The following DDX1 variants were observed in gnomAD, a reference collection of about 807,000 sequenced individuals.
DDX1 encodes DEAD-box helicase 1, also known as ATP-dependent RNA helicase DDX1.
In DDX1, 28 loss-of-function variants were observed where a neutral mutation model predicts 108.7. The observed-to-expected ratio is 0.26, with a 90% CI of 0.19 to 0.35. DDX1 has a LOEUF of 0.35. Ranked by LOEUF, DDX1 falls within the 10% of genes least tolerant of loss-of-function variation. The probability of loss-of-function intolerance (pLI) is 1.00; values close to 1 mark genes in which losing one functional copy is unlikely to be tolerated. For missense variants in DDX1, 710 were observed against 884.5 expected (o/e 0.80, Z 2.50); for synonymous variants, 295 against 288.9 (o/e 1.02, Z -0.21).
chr2:15,593,580 T>C (rs920154845), intron 1 of DDX1, among the ~76,000 whole-genome samples: 1 of 152,216 alleles, frequency 6.6e-6, no homozygotes, highest in African/African-American at 2.4e-5. Context: ...TGTTGTTTCT[T>C]GTATAACAAT....
intron 4 of DDX1, among the ~76,000 whole-genome samples, 156 bp from the exon 5 acceptor site, chr2:15,597,219 A>G (rs2302930): frequency 0.24 from 36,541 of 152,008 alleles, 5,405 homozygotes; most frequent in African/African-American, 0.42. Flanking sequence ...GTGTTGTCTG[A>G]TGGGTATTTT....
At chr2:15,619,108 C>T (rs1665948409) in intron 16 of DDX1, among the ~76,000 whole-genome samples, 1 of 152,158 alleles carries the variant, frequency 6.6e-6, no homozygotes, top group Admixed American at 6.5e-5. Context: ...TGCCCTGGCT[C>T]CCACCACCAC....
At chr2:15,628,557 G>A (rs757012970) in intron 21 of DDX1, 40 bp downstream of exon 21, 14 of 1,596,240 alleles carry the variant, frequency 8.8e-6, no homozygotes, top group Non-Finnish European at 8.6e-6. Context: ...TGATTGTTAC[G>A]GAATCTAAAG....
chr2:15,603,006 T>G (rs1665610666), intron 7 of DDX1, among the ~76,000 whole-genome samples, 186 bp from the exon 8 acceptor site: 1 of 152,212 alleles, frequency 6.6e-6, no homozygotes. Context: ...CCACTATGCC[T>G]GGCCCATGAG....
chr2:15,595,316 T>G, intron 2 of DDX1, 120 bp downstream of exon 2: 1 of 998,000 alleles, frequency 1.0e-6, no homozygotes, highest in Non-Finnish European at 1.5e-6. Context: ...GTTTTTTTTG[T>G]GATTTTCTAA....
chr2:15,624,776 G>A (rs749538685), intron 19 of DDX1, among the ~76,000 whole-genome samples: 9 of 152,234 alleles, frequency 5.9e-5, no homozygotes, highest in East Asian at 1.9e-4. Flanking sequence ...GTATAATACC[G>A]TTGTACATGC....
chr2:15,594,310 A>T (rs943918009), intron 1 of DDX1, among the ~76,000 whole-genome samples: 3 of 152,160 alleles, frequency 2.0e-5, no homozygotes, highest in African/African-American at 7.2e-5. Flanking sequence ...ATAGGAATAT[A>T]TATTTTTATG....
At chr2:15,592,817 A>G (rs1225516528) in intron 1 of DDX1, among the ~76,000 whole-genome samples, 1 of 150,756 alleles carries the variant, frequency 6.6e-6, no homozygotes, top group Non-Finnish European at 1.5e-5. Flanking sequence ...ACTTTTTAAG[A>G]TGACTTCAGA....
intron 14 of DDX1, among the ~76,000 whole-genome samples, chr2:15,614,914 T>C (rs999897478): frequency 4.6e-5 from 7 of 152,226 alleles, no homozygotes; most frequent in African/African-American, 1.7e-4. Context: ...CAATTCCTAT[T>C]TTCCTAAAGC....
At chr2:15,597,151 A>G (rs1665514901) in intron 4 of DDX1, among the ~76,000 whole-genome samples, 1 of 152,090 alleles carries the variant, frequency 6.6e-6, no homozygotes, top group Admixed American at 6.6e-5. Flanking sequence ...ACCAGTCTCC[A>G]TTGTTCTATC....
chr2:15,617,228 G>A lies in DDX1; in HGVS notation c.1018-16G>A. ...TTCTTTAGTTTTCATTAAGTGGTTG[G>A]TTTGCTTTTTTTCAGGTAGATATAG... is the stretch of plus-strand genomic sequence containing the variant. On this transcript the variant is annotated splice_polypyrimidine_tract_variant and intron_variant, in intron 14 of 25. Coordinates refer to ENST00000233084, the MANE Select transcript of DDX1 (RefSeq NM_004939.3). 7.0e-7 allele frequency: 1 copy of A among 1,431,518 alleles called. No homozygotes were observed. The allele number at this position is 1,431,518 out of a possible 1,614,324, so 88.7% of individuals were successfully genotyped here. A position where few individuals can be genotyped will look rare whatever the true frequency, so the allele number is the denominator to read the frequency against.
At chr2:15,625,801 A>G (rs985652258) in intron 19 of DDX1, among the ~76,000 whole-genome samples, 1 of 152,176 alleles carries the variant, frequency 6.6e-6, no homozygotes, top group Non-Finnish European at 1.5e-5. Flanking sequence ...CGTCAAGGAA[A>G]TAGAAAACTC....
In DDX1 at chr2:15,606,233, G is replaced by C. The variant is rs142143878; in HGVS notation, c.786G>C (p.Pro262=). The C allele has an allele frequency of 9.9e-6, 16 of 1,613,712 alleles. No homozygotes were observed. Among genetic ancestry groups the C allele is most frequent in the Non-Finnish European group, 1.3e-5 (15 of 1,179,778 alleles). The change falls in exon 12 of 26, where the codon CCG becomes CCC. Residue 262 remains proline (P), a synonymous_variant. Coordinates refer to ENST00000233084, the MANE Select transcript of DDX1 (RefSeq NM_004939.3). Reference sequence around the variant, plus strand: ...GCTTTGTTGCTCTTTCCAAGGCACCGGATGGTTACATTGTCAAATCACAGC... The same window carrying C: ...GCTTTGTTGCTCTTTCCAAGGCACCCGATGGTTACATTGTCAAATCACAGC... ...KDGFVALSKA[P]DGYIVKSQHS...
chr2:15,630,992 T>TA lies in DDX1; in HGVS notation c.*87dup. On this transcript the variant is annotated 3_prime_UTR_variant, in exon 26 of 26. Coordinates refer to ENST00000233084, the MANE Select transcript of DDX1 (RefSeq NM_004939.3). ...CAGTTGTACTGCTTCCAAGCAGCAG[T>TA]ATTTATAGTAACGTAAGCTATTAAT... 7.5e-7 allele frequency: 1 copy of TA among 1,328,688 alleles called. No homozygotes were observed. The highest frequency in any genetic ancestry group is 1.0e-6 in the Non-Finnish European group (1 of 955,198). The allele number at this position is 1,328,688 out of a possible 1,614,324, so 82.3% of individuals were successfully genotyped here.
intron 15 of DDX1, 24 bp downstream of exon 15, chr2:15,617,366 T>G: frequency 7.2e-7 from 1 of 1,388,248 alleles, no homozygotes; most frequent in Non-Finnish European, 9.9e-7. Context: ...TAATCATACT[T>G]TTTAAAAAGT....
chr2:15,617,408 AATG>A (rs930890838), intron 15 of DDX1, 66 bp downstream of exon 15: 1 of 891,874 alleles, frequency 1.1e-6, no homozygotes, highest in African/African-American at 1.7e-5. Flanking sequence ...AAATATATAA[AATG>A]AAGAAGAAAT....
At chr2:15,611,035 T>G (rs1177981360) in intron 13 of DDX1, among the ~76,000 whole-genome samples, 3 of 150,192 alleles carry the variant, frequency 2.0e-5, no homozygotes, top group Non-Finnish European at 4.4e-5. Flanking sequence ...CCTGCGGCCT[T>G]CCGCAGTGTT....
chr2:15,626,665 A>C (rs1481250941), intron 19 of DDX1, among the ~76,000 whole-genome samples: 1 of 152,150 alleles, frequency 6.6e-6, no homozygotes, highest in Non-Finnish European at 1.5e-5. Flanking sequence ...TTTAGGAAGC[A>C]CATTAACTTG....
intron 13 of DDX1, 100 bp from the exon 14 acceptor site, chr2:15,613,124 A>G: frequency 3.7e-6 from 3 of 809,704 alleles, no homozygotes; most frequent in South Asian, 2.2e-5. Context: ...TTACTTTCTC[A>G]ACCTTAATTT....
Sources: allele counts gnomAD v4.1 joint callset (sites outside exome capture counted in the v4.1 genomes callset), GRCh38; gene constraint gnomAD v4.1.1; transcripts MANE v1.5; gene names NCBI Gene and HGNC (gene_info 2026-07-23, HGNC 2026-07-21).